FRAS1: variants seen among roughly 807,000 people sequenced by gnomAD.
FRAS1 encodes extracellular matrix organizing protein FRAS1.
A neutral mutation model predicts 435.2 loss-of-function variants in FRAS1; 290 were observed. That is an observed-to-expected ratio of 0.67 (90% CI 0.61 to 0.73). The LOEUF is 0.73. Among genes scored for constraint, FRAS1 ranks in the 30% least tolerant of loss-of-function variants. FRAS1 has a pLI of 0.00. For missense variants in FRAS1, 4,860 were observed against 5,001.5 expected (o/e 0.97, Z 0.85); for synonymous variants, 1,800 against 1,851.0 (o/e 0.97, Z 0.71).
intron 41 of FRAS1, among the ~76,000 whole-genome samples, chr4:78,442,758 A>G (rs1012571280): frequency 5.9e-5 from 9 of 152,178 alleles, no homozygotes; most frequent in African/African-American, 1.7e-4. Context: ...GAGGGTTGAA[A>G]GTGTTGTGAA....
intron 61 of FRAS1, among the ~76,000 whole-genome samples, chr4:78,501,938 A>G (rs936920138): frequency 6.6e-6 from 1 of 152,220 alleles, no homozygotes; most frequent in African/African-American, 2.4e-5. Context: ...CTTTGTATAT[A>G]TGGCTAGCCA....
chr4:78,370,667 T>C (rs1731466993), intron 23 of FRAS1, among the ~76,000 whole-genome samples: 1 of 152,216 alleles, frequency 6.6e-6, no homozygotes, highest in Non-Finnish European at 1.5e-5. Flanking sequence ...TCGTGTCTGA[T>C]GTGTTCATCT....
intron 2 of FRAS1, among the ~76,000 whole-genome samples, chr4:78,078,863 C>T (rs1740775614): frequency 1.3e-5 from 2 of 152,138 alleles, no homozygotes; most frequent in South Asian, 4.1e-4. Context: ...AACCTTATAC[C>T]TGTTTAAAAA....
intron 56 of FRAS1, among the ~76,000 whole-genome samples, chr4:78,481,114 T>C (rs1162613862): frequency 1.3e-5 from 2 of 152,232 alleles, no homozygotes; most frequent in Non-Finnish European, 2.9e-5. Flanking sequence ...TCACAGCATG[T>C]TGGCTAGAAA....
At chr4:78,133,224 T>A (rs1357073303) in intron 2 of FRAS1, among the ~76,000 whole-genome samples, 1 of 152,216 alleles carries the variant, frequency 6.6e-6, no homozygotes, top group Non-Finnish European at 1.5e-5. Flanking sequence ...ACAACATGTA[T>A]GGAACTGGAG....
chr4:78,400,380 C>T (rs1732833733), intron 29 of FRAS1, among the ~76,000 whole-genome samples: 1 of 152,110 alleles, frequency 6.6e-6, no homozygotes, highest in African/African-American at 2.4e-5. Flanking sequence ...AGCAATGGAG[C>T]TGGCATATAA....
intron 69 of FRAS1, among the ~76,000 whole-genome samples, chr4:78,524,764 T>G (rs774331686): frequency 6.6e-6 from 1 of 152,206 alleles, no homozygotes; most frequent in African/African-American, 2.4e-5. Flanking sequence ...GGACTTAAAG[T>G]AAGGAGACAC....
chr4:78,066,365 G>A (rs1039254239), intron 2 of FRAS1, among the ~76,000 whole-genome samples: 1 of 152,076 alleles, frequency 6.6e-6, no homozygotes, highest in Admixed American at 6.6e-5. Context: ...GGTTGCATTT[G>A]CTTCCCACTT....
At chr4:78,360,892 C>T (rs1222920201) in intron 20 of FRAS1, among the ~76,000 whole-genome samples, 1 of 152,150 alleles carries the variant, frequency 6.6e-6, no homozygotes, top group Non-Finnish European at 1.5e-5. Flanking sequence ...TGAAAGCATC[C>T]CCTTGGTAAT....
intron 2 of FRAS1, among the ~76,000 whole-genome samples, chr4:78,095,958 A>G (rs1208478614): frequency 2.6e-5 from 4 of 152,162 alleles, no homozygotes; most frequent in Non-Finnish European, 5.9e-5. Context: ...CCTCATTCCA[A>G]CATTAACCCA....
intron 53 of FRAS1, 83 bp downstream of exon 53, chr4:78,473,680 C>T (rs1024775905): frequency 1.8e-4 from 179 of 995,576 alleles, no homozygotes; most frequent in Non-Finnish European, 2.6e-4. Context: ...TGGGGGGCAG[C>T]TCTAGTCACC....
At chr4:78,228,130 G>C (rs994220540) in intron 2 of FRAS1, among the ~76,000 whole-genome samples, 1 of 151,908 alleles carries the variant, frequency 6.6e-6, no homozygotes, top group Admixed American at 6.6e-5. Flanking sequence ...GAGAGATAAT[G>C]GTGTAGCTAT....
At chr4:78,442,010 G>C (rs572316334) in intron 41 of FRAS1, among the ~76,000 whole-genome samples, 5 of 152,346 alleles carry the variant, frequency 3.3e-5, no homozygotes, top group Admixed American at 2.0e-4. Flanking sequence ...TTCCCTGCAC[G>C]GAGCTGCCTG....
chr4:78,170,125 T>A (rs548671254), intron 2 of FRAS1, among the ~76,000 whole-genome samples: 13 of 152,260 alleles, frequency 8.5e-5, no homozygotes, highest in African/African-American at 3.1e-4. Flanking sequence ...ATCCCTCAAT[T>A]GGGTCTCCTG....
At chr4:78,434,387 T>C in intron 38 of FRAS1, among the ~76,000 whole-genome samples, 1 of 152,184 alleles carries the variant, frequency 6.6e-6, no homozygotes. Flanking sequence ...TAATCCAAGC[T>C]CACCACTTAC....
At chr4:78,130,020 T>A (rs1291251391) in intron 2 of FRAS1, among the ~76,000 whole-genome samples, 1 of 152,196 alleles carries the variant, frequency 6.6e-6, no homozygotes. Context: ...ATCCTTACTG[T>A]GTCTGACTGG....
chr4:78,179,929 A>G (rs1459369432), intron 2 of FRAS1, among the ~76,000 whole-genome samples: 1 of 152,214 alleles, frequency 6.6e-6, no homozygotes, highest in African/African-American at 2.4e-5. Flanking sequence ...ACACTCTTAT[A>G]TATATGAAGC....
intron 58 of FRAS1, among the ~76,000 whole-genome samples, chr4:78,483,773 T>TAA (rs1349435336): frequency 2.2e-5 from 1 of 44,988 alleles, no homozygotes; most frequent in Non-Finnish European, 4.7e-5. Context: ...AAAAACTCTC[T>TAA]CTCTCTCTCT....
intron 2 of FRAS1, among the ~76,000 whole-genome samples, chr4:78,150,111 A>G (rs1284680050): frequency 6.6e-6 from 1 of 152,198 alleles, no homozygotes; most frequent in East Asian, 1.9e-4. Flanking sequence ...AAGTTAGCAC[A>G]GGAGGTGATT....
Sources: gnomAD v4.1 joint callset for allele counts (sites outside exome capture counted in the v4.1 genomes callset) on GRCh38, gnomAD v4.1.1 for gene constraint, MANE v1.5 for transcripts, NCBI Gene and HGNC (gene_info 2026-07-23, HGNC 2026-07-21) for gene names.